The following SUPT20H variants were observed in gnomAD, a reference collection of about 807,000 sequenced individuals.
The protein encoded by SUPT20H is SPT20 homolog, SAGA complex component, also known as transcription factor SPT20 homolog.
In SUPT20H, 82 loss-of-function variants were observed where a neutral mutation model predicts 122.8. That is an observed-to-expected ratio of 0.67 (90% CI 0.56 to 0.80). SUPT20H has a LOEUF of 0.80. Among genes scored for constraint, SUPT20H ranks in the 30% least tolerant of loss-of-function variants. The probability of loss-of-function intolerance (pLI) is 0.00; values close to 1 mark genes in which losing one functional copy is unlikely to be tolerated. For synonymous variants in SUPT20H, 291 were observed against 313.0 expected (o/e 0.93, Z 0.74); for missense variants, 831 against 921.6 (o/e 0.90, Z 1.27).
chr13:37,058,683 T>C (rs951074791), intron 1 of SUPT20H, among the ~76,000 whole-genome samples: 14 of 152,184 alleles, frequency 9.2e-5, no homozygotes, highest in Non-Finnish European at 1.2e-4. Flanking sequence ...AACAACTGAC[T>C]TTCCTAACAT....
intron 21 of SUPT20H, among the ~76,000 whole-genome samples, chr13:37,020,815 C>A (rs2061365895): frequency 6.6e-6 from 1 of 151,910 alleles, no homozygotes; most frequent in East Asian, 1.9e-4. Flanking sequence ...TAAAGAGCAT[C>A]AAAAAAATAA....
At chr13:37,023,829 C>T (rs2139593507) in intron 19 of SUPT20H, 1 of 454,648 alleles carries the variant, frequency 2.2e-6, no homozygotes, top group Non-Finnish European at 3.8e-6. Context: ...AATGTATACA[C>T]AGATACAGAA....
rs1566238654 is a variant in SUPT20H, at chr13:37,033,582, T to G, written c.574A>C (p.Lys192Gln). The G allele has an allele frequency of 6.2e-7, 1 of 1,613,080 alleles. No homozygotes were observed. The highest frequency in any genetic ancestry group is 8.5e-7 in the Non-Finnish European group (1 of 1,179,536). ...SDNHKWTQED[K>Q]LLLESQLILA... ...ATGAGCTGGCTCTCAAGCAAAAGTT[T>G]GTCTTCCTGAAATGTGTAAGAGCAT... is the stretch of plus-strand genomic sequence containing the variant. Residue 192 changes from lysine (K) to glutamine (Q), a missense_variant, in exon 10 of 26, where the codon AAA becomes CAA. By Grantham distance (53) the Lys-to-Gln change is moderately conservative (BLOSUM62 1). Coordinates refer to ENST00000350612, the MANE Select transcript of SUPT20H (RefSeq NM_001014286.3).
intron 9 of SUPT20H, among the ~76,000 whole-genome samples, chr13:37,035,771 CCG>C (rs2064260262): frequency 6.6e-6 from 1 of 152,172 alleles, no homozygotes; most frequent in Non-Finnish European, 1.5e-5. Context: ...ACCTTGTGAT[CCG>C]CCTGCTTCGG....
In SUPT20H at chr13:37,040,392, CAA is replaced by C. The variant is rs758798238; in HGVS notation, c.567+11_567+12del. The C allele has an allele frequency of 6.5e-7, 1 of 1,543,628 alleles. No homozygotes were observed. The highest frequency in any genetic ancestry group is 2.3e-5 in the Admixed American group (1 of 43,492). On this transcript the variant is annotated intron_variant, in intron 9 of 25. Coordinates refer to ENST00000350612, the MANE Select transcript of SUPT20H (RefSeq NM_001014286.3). ...ATTTTGCCTGTTTGAGATTAAAAAA[CAA>C]AACAACTAACCTGGGTCCATTTGTG...
At chr13:37,027,608 T>TA (rs558309867) in intron 14 of SUPT20H, among the ~76,000 whole-genome samples, 2 of 152,124 alleles carry the variant, frequency 1.3e-5, no homozygotes, top group African/African-American at 2.4e-5. Context: ...TCAATTTGAT[T>TA]AAAAAAACCA....
chr13:37,050,960 C>G (rs2067552505), intron 2 of SUPT20H, among the ~76,000 whole-genome samples: 1 of 152,126 alleles, frequency 6.6e-6, no homozygotes, highest in Admixed American at 6.6e-5. Flanking sequence ...AAGTGTTTTT[C>G]TCCCTTAGTC....
At chr13:37,050,847 T>C (rs2067529228) in intron 2 of SUPT20H, among the ~76,000 whole-genome samples, 1 of 152,176 alleles carries the variant, frequency 6.6e-6, no homozygotes. Context: ...ACAGATGTTT[T>C]CTGAAGTTTG....
chr13:37,050,660 G>A (rs1302072353), intron 2 of SUPT20H, among the ~76,000 whole-genome samples: 1 of 152,132 alleles, frequency 6.6e-6, no homozygotes, highest in Non-Finnish European at 1.5e-5. Context: ...AGTGAGACAT[G>A]CATACATACA....
At chr13:37,031,276 T>C (rs1479078180) in intron 12 of SUPT20H, among the ~76,000 whole-genome samples, 3 of 152,152 alleles carry the variant, frequency 2.0e-5, no homozygotes, top group South Asian at 2.1e-4. Flanking sequence ...TAATATACAC[T>C]GTATTTTTCC....
intron 18 of SUPT20H, 60 bp downstream of exon 18, chr13:37,024,280 G>T (rs955654420): frequency 2.5e-5 from 38 of 1,523,294 alleles, no homozygotes; most frequent in Non-Finnish European, 3.3e-5. Context: ...GTTTTAAAAA[G>T]AGATTATGAT....
Position 37,033,490 on chromosome 13 carries a change from C to T in SUPT20H, c.666G>A (p.Leu222=), listed in dbSNP as rs1264209479. The T allele has an allele frequency of 8.1e-6, 13 of 1,612,924 alleles. No homozygotes were observed. Among genetic ancestry groups the T allele is most frequent in the Admixed American group, 1.7e-5 (1 of 59,832 alleles). The change falls in exon 10 of 26, where the codon CTG becomes CTA. Residue 222 remains leucine (L), a synonymous_variant. Coordinates refer to ENST00000350612, the MANE Select transcript of SUPT20H (RefSeq NM_001014286.3). ...TGTTCATCTTTTGCTTGTTATAGAG[C>T]AGTCTGTTTGCAGTGCAGGTGACTG... ...SIAVTCTANR[L]LYNKQKMNTR... is the part of the protein sequence containing the mutation.
chr13:37,022,242 G>C lies in SUPT20H; in HGVS notation c.1592-162C>G. 1 of 1,549,506 alleles carries C rather than the reference G, an allele frequency of 6.5e-7. No homozygotes were observed. Among genetic ancestry groups the C allele is most frequent in the Non-Finnish European group, 8.7e-7 (1 of 1,146,342 alleles). ...GGTGGCTGAAGGGGTACTAGGAGTT[G>C]AGCTCTGAGCATCAGGAGGGTGTGG... On this transcript the variant is annotated intron_variant, in intron 19 of 25. Coordinates refer to ENST00000350612, the MANE Select transcript of SUPT20H (RefSeq NM_001014286.3). The surrounding 1 kb of genome is among the most constrained non-coding windows in gnomAD (Gnocchi z 4.5).
intron 1 of SUPT20H, among the ~76,000 whole-genome samples, chr13:37,058,446 A>T (rs1299050321): frequency 6.6e-6 from 1 of 152,214 alleles, no homozygotes; most frequent in Non-Finnish European, 1.5e-5. Context: ...TTTGAAGATG[A>T]AGATACACTA....
intron 8 of SUPT20H, 58 bp downstream of exon 8, chr13:37,040,518 G>A (rs1329603818): frequency 8.8e-6 from 14 of 1,587,046 alleles, no homozygotes; most frequent in South Asian, 5.7e-5. Flanking sequence ...TGAAGAATTC[G>A]ATAAATAAAA....
chr13:37,009,890 A>C, intron 25 of SUPT20H, 81 bp from the exon 26 acceptor site: 1 of 1,526,024 alleles, frequency 6.6e-7, no homozygotes. Flanking sequence ...TGACGAAACA[A>C]CACAACTGAA....
At chr13:37,012,375 T>A (rs1056709727) in intron 23 of SUPT20H, 78 bp from the exon 24 acceptor site, 3 of 1,193,774 alleles carry the variant, frequency 2.5e-6, no homozygotes, top group Non-Finnish European at 3.7e-6. Context: ...CAGTATTTTT[T>A]CCTATATGAA....
In SUPT20H at chr13:37,058,791, T is replaced by A. The variant is rs1190938469; in HGVS notation, c.-94+768A>T. ...AATCAAACCGGCATCTGTTTTTACA[T>A]TTCTTTAAAAAAAGCAAAGCAATTA... On this transcript the variant is annotated intron_variant, in intron 1 of 25. Coordinates refer to ENST00000350612, the MANE Select transcript of SUPT20H (RefSeq NM_001014286.3). 2.0e-5 allele frequency among the ~76,000 whole-genome samples: 3 copies of A among 152,300 alleles called. No individual in the cohort carries two copies. The East Asian group carries it at 5.8e-4, about 29-fold the overall frequency.
At chr13:37,024,799 C>T (rs2061941076) in intron 17 of SUPT20H, 3 of 171,858 alleles carry the variant, frequency 1.7e-5, no homozygotes, top group South Asian at 1.7e-4. Context: ...CTGTTGAAGC[C>T]AAATGACTAG....
Sources: gnomAD v4.1 joint callset for allele counts (sites outside exome capture counted in the v4.1 genomes callset) on GRCh38, gnomAD v4.1.1 for gene constraint, Gnocchi (gnomAD v3.1) non-coding constraint, MANE v1.5 for transcripts, NCBI Gene and HGNC (gene_info 2026-07-23, HGNC 2026-07-21) for gene names.